Variants in DCLK2 observed in about 807,000 individuals in gnomAD.
The protein encoded by DCLK2 is doublecortin like kinase 2, also known as serine/threonine-protein kinase DCLK2.
A neutral mutation model predicts 78.4 loss-of-function variants in DCLK2; 31 were observed. The observed-to-expected ratio is 0.40, with a 90% CI of 0.30 to 0.53. The LOEUF is 0.53. Ranked by LOEUF, DCLK2 falls within the 20% of genes least tolerant of loss-of-function variation. The pLI is 0.61. For missense variants in DCLK2, 872 were observed against 973.7 expected (o/e 0.90, Z 1.39); for synonymous variants, 407 against 374.9 (o/e 1.09, Z -0.99).
At chr4:150,166,005 C>T (rs931309706) in intron 2 of DCLK2, among the ~76,000 whole-genome samples, 2 of 152,188 alleles carry the variant, frequency 1.3e-5, no homozygotes, top group African/African-American at 4.8e-5. Flanking sequence ...TCTGTAGACA[C>T]CAGTGCCAAG....
At chr4:150,204,751 G>T (rs1560867666) in intron 5 of DCLK2, among the ~76,000 whole-genome samples, 2 of 152,056 alleles carry the variant, frequency 1.3e-5, no homozygotes, top group Admixed American at 1.3e-4. Context: ...AATTAGCCGG[G>T]CCTGGTGGTA....
Position 150,198,012 on chromosome 4 carries a change from C to T in DCLK2, c.870C>T (p.Val290=). ...TTTGTTCTTTTCTAGAATGTCGTGTCCTGAAGTCATCTTATTCTCGATCCT... is the reference window on the plus strand; with the variant it reads ...TTTGTTCTTTTCTAGAATGTCGTGTTCTGAAGTCATCTTATTCTCGATCCT... ...DFVLDHSECR[V]LKSSYSRSSA... is the part of the protein sequence containing the mutation. The change falls in exon 4 of 16, where the codon GTC becomes GTT. Residue 290 remains valine, a synonymous_variant. Transcript: ENST00000296550. 6.2e-7 allele frequency: 1 copy of T among 1,612,966 alleles called. No homozygotes were observed. The highest frequency in any genetic ancestry group is 8.5e-7 in the Non-Finnish European group (1 of 1,179,680).
Position 150,079,356 on chromosome 4 carries a change from T to A in DCLK2, c.329T>A (p.Leu110Gln). Reference sequence around the variant, plus strand: ...CTCCTCATAGAGCTCACCCGCTCCCTGTCGGACAACGTGAACCTGCCCCAG... The same window carrying A: ...CTCCTCATAGAGCTCACCCGCTCCCAGTCGGACAACGTGAACCTGCCCCAG... ...DALLIELTRSLSDNVNLPQGV... is the reference protein window; with the variant it reads ...DALLIELTRSQSDNVNLPQGV... The change falls in exon 1 of 16, where the codon CTG becomes CAG. Residue 110 changes from leucine to glutamine, a missense_variant. This residue lies in a region of DCLK2 where 567 missense variants were observed against 593.4 expected (regional missense o/e 0.96). Transcript: ENST00000296550. 1 of 1,588,718 alleles carries A rather than the reference T, an allele frequency of 6.3e-7. No homozygotes were observed. The highest frequency in any genetic ancestry group is 8.6e-7 in the Non-Finnish European group (1 of 1,167,600).
intron 2 of DCLK2, among the ~76,000 whole-genome samples, chr4:150,183,799 T>C (rs1737706884): frequency 6.6e-6 from 1 of 151,430 alleles, no homozygotes; most frequent in Admixed American, 6.6e-5. Flanking sequence ...AGTGGCGCAA[T>C]CTTGGTTCAC....
At chr4:150,095,884 G>A (rs1730423994) in intron 1 of DCLK2, among the ~76,000 whole-genome samples, 1 of 152,192 alleles carries the variant, frequency 6.6e-6, no homozygotes, top group East Asian at 1.9e-4. Flanking sequence ...AGAATAAAGA[G>A]GGTATGAGAA....
At chr4:150,130,753 T>G (rs1351348003) in intron 2 of DCLK2, among the ~76,000 whole-genome samples, 1 of 151,970 alleles carries the variant, frequency 6.6e-6, no homozygotes, top group African/African-American at 2.4e-5. Context: ...CTAGATGTGA[T>G]CTAGACTAGC....
chr4:150,219,019 C>T (rs1201280055), intron 5 of DCLK2, among the ~76,000 whole-genome samples: 3 of 152,046 alleles, frequency 2.0e-5, no homozygotes, highest in Admixed American at 6.6e-5. Flanking sequence ...GCCTGGGAAA[C>T]ACAGTGAGAC....
intron 2 of DCLK2, among the ~76,000 whole-genome samples, chr4:150,149,765 A>G (rs984672315): frequency 1.3e-5 from 2 of 152,206 alleles, no homozygotes; most frequent in Admixed American, 6.5e-5. Context: ...AATTGTGTTT[A>G]ATACATAAAA....
intron 2 of DCLK2, among the ~76,000 whole-genome samples, chr4:150,131,335 G>C (rs891839723): frequency 2.6e-5 from 4 of 152,148 alleles, no homozygotes; most frequent in African/African-American, 9.7e-5. Context: ...TAATAGAAAT[G>C]TTTTTGTTGA....
At chr4:150,186,894 A>ATGTGTGTGTGTGTGTG in intron 2 of DCLK2, among the ~76,000 whole-genome samples, 1 of 147,496 alleles carries the variant, frequency 6.8e-6, no homozygotes, top group Non-Finnish European at 1.5e-5. Flanking sequence ...CTATCTCAAA[A>ATGTGTGTGTGTGTGTG]TGTGTGTGTG....
intron 7 of DCLK2, among the ~76,000 whole-genome samples, chr4:150,223,061 T>C (rs1741320430): frequency 6.6e-6 from 1 of 152,142 alleles, no homozygotes; most frequent in Admixed American, 6.5e-5. Context: ...GTAACTACAG[T>C]TTTTCTGTTT....
intron 2 of DCLK2, among the ~76,000 whole-genome samples, chr4:150,148,487 C>A (rs1437191542): frequency 6.6e-6 from 1 of 151,908 alleles, no homozygotes; most frequent in Non-Finnish European, 1.5e-5. Flanking sequence ...AGACTCAAAC[C>A]CCTGGACTGA....
chr4:150,246,566 G>A (rs1389967230), intron 12 of DCLK2, among the ~76,000 whole-genome samples: 1 of 152,140 alleles, frequency 6.6e-6, no homozygotes, highest in Non-Finnish European at 1.5e-5. Flanking sequence ...TTGCACTCCT[G>A]GATTTTGAAG....
chr4:150,125,247 C>T (rs73858091), intron 2 of DCLK2, among the ~76,000 whole-genome samples: 1 of 152,222 alleles, frequency 6.6e-6, no homozygotes, highest in African/African-American at 2.4e-5. Context: ...TTATGAATCT[C>T]TGGACATTTT....
intron 3 of DCLK2, among the ~76,000 whole-genome samples, chr4:150,195,156 T>C (rs28429971): frequency 0.13 from 980 of 7,616 alleles, 301 homozygotes; most frequent in Middle Eastern, 0.5. Context: ...ATATTATATA[T>C]AATATTATAT....
At chr4:150,118,072 T>C (rs775368875) in intron 2 of DCLK2, among the ~76,000 whole-genome samples, 4 of 152,084 alleles carry the variant, frequency 2.6e-5, no homozygotes, top group Non-Finnish European at 5.9e-5. Context: ...CTAGGATTCA[T>C]CCCCAGGAAG....
chr4:150,251,865 C>G (rs1352998194), intron 15 of DCLK2, among the ~76,000 whole-genome samples: 3 of 151,326 alleles, frequency 2.0e-5, no homozygotes, highest in Non-Finnish European at 4.4e-5. Flanking sequence ...CCCCCGGCTG[C>G]GTTTATGTGG....
rs76625226 is a variant in DCLK2 at position 150,176,354 on chromosome 4, A to C, written c.757-16784A>C. Among the ~76,000 whole-genome samples the C allele has an allele frequency of 2.4e-3, 371 of 152,290 alleles. 12 individuals carry two copies. In the East Asian group the frequency reaches 0.061, roughly 25 times the overall value. On this transcript the variant is annotated intron_variant, in intron 2 of 15. Transcript: ENST00000296550. ...AGTGCTCTGGGTGTAAGAGCGAGAA[A>C]GATACGGTCTCCAGGTGCTGGGTGT...
chr4:150,114,251 G>C (rs1731909848), intron 2 of DCLK2, among the ~76,000 whole-genome samples: 1 of 152,100 alleles, frequency 6.6e-6, no homozygotes, highest in Non-Finnish European at 1.5e-5. Context: ...GTAAATATCT[G>C]TTAGGTCCAT....
Sources: allele counts gnomAD v4.1 joint callset (sites outside exome capture counted in the v4.1 genomes callset), GRCh38; gene constraint gnomAD v4.1.1; regional missense constraint gnomAD v4.1.1; transcripts MANE v1.5; gene names NCBI Gene and HGNC (gene_info 2026-07-23, HGNC 2026-07-21).